MTUS2: variants seen among roughly 807,000 people sequenced by gnomAD.
MTUS2 encodes microtubule-associated tumor suppressor candidate 2.
A neutral mutation model predicts 114.1 loss-of-function variants in MTUS2; 40 were observed. The observed-to-expected ratio is 0.35, with a 90% CI of 0.27 to 0.46. The LOEUF (loss-of-function observed/expected upper bound fraction) is 0.46. Among genes scored for constraint, MTUS2 ranks in the 20% least tolerant of loss-of-function variants. The pLI is 1.00. For synonymous variants in MTUS2, 688 were observed against 672.0 expected (o/e 1.02, Z -0.37); for missense variants, 1,679 against 1,705.4 (o/e 0.98, Z 0.27).
intron 5 of MTUS2, among the ~76,000 whole-genome samples, chr13:29,226,570 A>G: frequency 6.6e-6 from 1 of 152,184 alleles, no homozygotes; most frequent in South Asian, 2.1e-4. Flanking sequence ...TAAAATTTTA[A>G]ATATTAGATA....
chr13:29,105,935 C>G lies in MTUS2; in HGVS notation c.2644+4965C>G, dbSNP rs534989232. 4.6e-5 allele frequency among the ~76,000 whole-genome samples: 7 copies of G among 152,232 alleles called. No homozygotes were observed. The South Asian group carries it at 1.5e-3, about 32-fold the overall frequency. ...TGCTGTTGGTGCATTCAGAAAACTT[C>G]CTGAATCTGAGGAGTTGCCATTCCT... On this transcript the variant is annotated intron_variant, in intron 5 of 15. Transcript: ENST00000612955.
chr13:29,325,915 G>C (rs1236959319), intron 7 of MTUS2, among the ~76,000 whole-genome samples: 2 of 152,098 alleles, frequency 1.3e-5, no homozygotes, highest in African/African-American at 4.8e-5. Context: ...TCTGTGTCCC[G>C]GACTTACATT....
rs764477081 is a variant in MTUS2 at position 28,867,455 on chromosome 13, A to G, written c.-243+27605A>G. ...ATGTACTAGGGGCTTCCGGAGAAGA[A>G]TGTAATTTAGAACCTCAGTAAATCT... On this transcript the variant is annotated intron_variant, in intron 2 of 15. Coordinates refer to ENST00000612955, the MANE Select transcript of MTUS2 (RefSeq NM_001033602.4). 5.3e-3 allele frequency among the ~76,000 whole-genome samples: 800 copies of G among 152,344 alleles called. 3 individuals carry two copies. The highest frequency in any genetic ancestry group is 0.014 in the Middle Eastern group (4 of 294).
intron 6 of MTUS2, among the ~76,000 whole-genome samples, chr13:29,311,413 A>G (rs182139255): frequency 2.6e-5 from 4 of 152,176 alleles, no homozygotes; most frequent in Non-Finnish European, 4.4e-5. Context: ...TTTATAATAG[A>G]TATGTTTAAA....
intron 8 of MTUS2, among the ~76,000 whole-genome samples, chr13:29,425,080 C>T (rs932219941): frequency 6.6e-6 from 1 of 152,152 alleles, no homozygotes; most frequent in Admixed American, 6.5e-5. Flanking sequence ...ATGCATACTA[C>T]AGCATGTAGG....
chr13:28,930,354 A>G (rs1021111718), intron 2 of MTUS2, among the ~76,000 whole-genome samples: 2 of 152,192 alleles, frequency 1.3e-5, no homozygotes, highest in Non-Finnish European at 2.9e-5. Flanking sequence ...CAGAAGCTGC[A>G]TGGTGGGACT....
In MTUS2 at chr13:29,189,012, TG is replaced by T. The variant is rs761876415; in HGVS notation, c.2644+88045del. Among the ~76,000 whole-genome samples, 98 of 152,156 alleles carry T rather than the reference TG, an allele frequency of 6.4e-4. 3 individuals are homozygous for T. Among genetic ancestry groups the T allele is most frequent in the Non-Finnish European group, 2.2e-4 (15 of 68,026 alleles). On this transcript the variant is annotated intron_variant, in intron 5 of 15. Coordinates refer to ENST00000612955, the MANE Select transcript of MTUS2 (RefSeq NM_001033602.4). ...GTCTGAAAGTCAGAAATGATGAGAA[TG>T]GGAAGCACCAGTGACTGGGATAAGA...
intron 15 of MTUS2, among the ~76,000 whole-genome samples, chr13:29,502,520 T>C (rs1314328466): frequency 6.6e-6 from 1 of 152,172 alleles, no homozygotes; most frequent in Non-Finnish European, 1.5e-5. Flanking sequence ...CCTGCCATCG[T>C]GGAGGCACAA....
intron 2 of MTUS2, among the ~76,000 whole-genome samples, chr13:28,852,344 G>A (rs958713032): frequency 3.3e-5 from 5 of 151,912 alleles, no homozygotes; most frequent in African/African-American, 1.2e-4. Flanking sequence ...CTTATTCTCC[G>A]TTATTTCCCC....
At chr13:29,144,052 A>T (rs1334851155) in intron 5 of MTUS2, among the ~76,000 whole-genome samples, 1 of 152,238 alleles carries the variant, frequency 6.6e-6, no homozygotes, top group Non-Finnish European at 1.5e-5. Flanking sequence ...CAGTTGTGCT[A>T]AACAGCAGGG....
chr13:29,003,571 T>C (rs996436330), intron 2 of MTUS2, among the ~76,000 whole-genome samples: 2 of 152,254 alleles, frequency 1.3e-5, no homozygotes, highest in Admixed American at 1.3e-4. Context: ...TGGTCTCTAA[T>C]TCGACATATC....
chr13:28,879,797 A>C (rs1878176357), intron 2 of MTUS2, among the ~76,000 whole-genome samples: 1 of 151,956 alleles, frequency 6.6e-6, no homozygotes, highest in Non-Finnish European at 1.5e-5. Context: ...TTGAGTGTGC[A>C]ACTGATACTG....
chr13:29,093,857 T>C (rs1406183517), intron 4 of MTUS2, among the ~76,000 whole-genome samples: 1 of 152,192 alleles, frequency 6.6e-6, no homozygotes, highest in East Asian at 1.9e-4. Context: ...GGATTCAGTC[T>C]TTTACTGTAT....
chr13:29,176,757 C>T (rs1430496947), intron 5 of MTUS2, among the ~76,000 whole-genome samples: 4 of 145,114 alleles, frequency 2.8e-5, no homozygotes, highest in Non-Finnish European at 5.9e-5. Context: ...TAGGTTTCAA[C>T]ATATGAATTT....
At chr13:29,178,815 A>G (rs1202228707) in intron 5 of MTUS2, among the ~76,000 whole-genome samples, 1 of 152,130 alleles carries the variant, frequency 6.6e-6, no homozygotes, top group African/African-American at 2.4e-5. Flanking sequence ...TGAGGATTTA[A>G]TTGGTCAAAT....
chr13:29,103,957 G>T (rs1468697761), intron 5 of MTUS2, among the ~76,000 whole-genome samples: 1 of 152,146 alleles, frequency 6.6e-6, no homozygotes, highest in African/African-American at 2.4e-5. Flanking sequence ...TGGCTCTACT[G>T]AGACTCTTCC....
At chr13:29,210,049 A>T (rs1256668227) in intron 5 of MTUS2, among the ~76,000 whole-genome samples, 3 of 152,124 alleles carry the variant, frequency 2.0e-5, no homozygotes, top group Non-Finnish European at 4.4e-5. Flanking sequence ...TTTCTTTCTT[A>T]GAATCACCAA....
At chr13:29,474,690 A>G (rs1566222377) in intron 9 of MTUS2, among the ~76,000 whole-genome samples, 1 of 152,150 alleles carries the variant, frequency 6.6e-6, no homozygotes, top group Non-Finnish European at 1.5e-5. Context: ...TCTATATCCC[A>G]TTGGCACAGG....
At chr13:29,287,747 C>T (rs182532360) in intron 6 of MTUS2, among the ~76,000 whole-genome samples, 2 of 152,190 alleles carry the variant, frequency 1.3e-5, no homozygotes, top group African/African-American at 4.8e-5. Context: ...CTTCCTATTC[C>T]AGACCAAAGC....
Sources: allele counts gnomAD v4.1 joint callset (sites outside exome capture counted in the v4.1 genomes callset), GRCh38; gene constraint gnomAD v4.1.1; transcripts MANE v1.5; gene names NCBI Gene and HGNC (gene_info 2026-07-23, HGNC 2026-07-21).